NSL1: variants seen among roughly 807,000 people sequenced by gnomAD.
NSL1 encodes kinetochore-associated protein NSL1 homolog.
NSL1 carries 11 observed loss-of-function variants against 25.4 expected under a neutral mutation model. The observed-to-expected ratio is 0.43, with a 90% confidence interval of 0.27 to 0.72. NSL1 has a LOEUF of 0.72. NSL1 is among the 30% of genes least tolerant of loss of function. The pLI, the probability that NSL1 is intolerant of heterozygous loss-of-function variation, is 0.19. For missense variants in NSL1, 330 were observed against 342.7 expected, an observed-to-expected ratio of 0.96 and a Z score of 0.29; for synonymous variants, 118 against 120.6, an observed-to-expected ratio of 0.98 and a Z score of 0.14.
intron 4 of NSL1, among the ~76,000 whole-genome samples, chr1:212,753,981 G>C (rs186305592): frequency 1.3e-5 from 2 of 152,204 alleles, no homozygotes; most frequent in Non-Finnish European, 2.9e-5. Context: ...ATGTGTGACA[G>C]TGAGGCACTT....
chr1:212,741,736 G>T (rs7517894), intron 4 of NSL1, among the ~76,000 whole-genome samples: 3,021 of 152,264 alleles, frequency 0.02, 113 homozygotes, highest in African/African-American at 0.07. Flanking sequence ...CTTTACAGCA[G>T]TGTGAGAAGA....
rs1405894653 is a variant in NSL1, at chr1:212,728,706, G to A, written c.*9702C>T. ...CATTTGGTGAGATCTCTGGAGAATGGAACACCTTCACAGACAACATCAGGG... is the reference window on the plus strand; with the variant it reads ...CATTTGGTGAGATCTCTGGAGAATGAAACACCTTCACAGACAACATCAGGG... On this transcript the variant is annotated 3_prime_UTR_variant, in exon 6 of 6. Transcript: ENST00000366977. 4.1e-6 allele frequency: 4 copies of A among 985,310 alleles called. No individual in the cohort carries two copies. In the African/African-American group the frequency reaches 7.0e-5, roughly 17 times the overall value. The allele number at this position is 985,310 out of a possible 1,614,324, so 61.0% of individuals were successfully genotyped here.
At chr1:212,754,360 C>CTCCTGCAA (rs985810286) in intron 4 of NSL1, among the ~76,000 whole-genome samples, 2 of 152,100 alleles carry the variant, frequency 1.3e-5, no homozygotes, top group African/African-American at 4.8e-5. Context: ...AGGAATTGGC[C>CTCCTGCAA]TCCTGCAAGA....
intron 4 of NSL1, among the ~76,000 whole-genome samples, chr1:212,779,293 G>GC (rs1381906344): frequency 2.2e-5 from 3 of 138,368 alleles, no homozygotes; most frequent in Non-Finnish European, 4.8e-5. Flanking sequence ...GTGGGGGTCA[G>GC]CCCCCCGCCC....
Position 212,730,643 on chromosome 1 carries a change from G to A in NSL1, c.*7765C>T, listed in dbSNP as rs561212412. On this transcript the variant is annotated 3_prime_UTR_variant, in exon 6 of 6. Coordinates refer to ENST00000366977, the MANE Select transcript of NSL1 (RefSeq NM_015471.4). ...TGACCAAAGGAAAAGGTGATCAGAAGGCAACTATACCTGCTAGCACAGTGA... is the reference window on the plus strand; with the variant it reads ...TGACCAAAGGAAAAGGTGATCAGAAAGCAACTATACCTGCTAGCACAGTGA... The A allele has an allele frequency of 3.0e-6, 3 of 985,358 alleles. No individual in the cohort carries two copies. In the African/African-American group the frequency reaches 5.2e-5, roughly 17 times the overall value. 61.0% of individuals were successfully genotyped at this position (985,358 alleles called of 1,614,324 possible). A position where few individuals can be genotyped will look rare whatever the true frequency, so the allele number is the denominator to read the frequency against.
At chr1:212,759,178 AG>A (rs2102451638) in intron 4 of NSL1, among the ~76,000 whole-genome samples, 1 of 152,312 alleles carries the variant, frequency 6.6e-6, no homozygotes, top group African/African-American at 2.4e-5. Context: ...AAGCAACCAA[AG>A]GAAAAAAAAA....
At chr1:212,744,997 G>A (rs1277269224) in intron 4 of NSL1, among the ~76,000 whole-genome samples, 1 of 152,024 alleles carries the variant, frequency 6.6e-6, no homozygotes, top group Non-Finnish European at 1.5e-5. Flanking sequence ...TTAGCTGGGC[G>A]TGGTGGTGCA....
intron 4 of NSL1, among the ~76,000 whole-genome samples, chr1:212,765,085 A>T (rs1178113831): frequency 6.6e-6 from 1 of 152,058 alleles, no homozygotes; most frequent in Admixed American, 6.6e-5. Context: ...AGACTGAATC[A>T]GCAATTTTTT....
intron 4 of NSL1, among the ~76,000 whole-genome samples, chr1:212,781,277 G>A (rs938904104): frequency 2.6e-5 from 4 of 152,102 alleles, no homozygotes; most frequent in South Asian, 2.1e-4. Flanking sequence ...ACGATAAAAC[G>A]GTAACCAAGT....
Position 212,738,528 on chromosome 1 carries a change from T to C in NSL1, c.726A>G (p.Thr242=), listed in dbSNP as rs1222239262. 3 of 1,614,058 alleles carry C rather than the reference T, an allele frequency of 1.9e-6. No homozygotes were observed. Among genetic ancestry groups the C allele is most frequent in the Non-Finnish European group, 2.5e-6 (3 of 1,180,030 alleles). Residue 242 remains threonine (T), a synonymous_variant, in exon 6 of 6, where the codon ACA becomes ACG. Coordinates refer to ENST00000366977, the MANE Select transcript of NSL1 (RefSeq NM_015471.4). ...TTTTCCTGGAAGCAGTCTCTGTTGG[T>C]GTGGTTTCTATCTGTGTTATAAAGT... ...PENFITQIET[T]PTETASRKTS... is the part of the protein sequence containing the mutation.
intron 4 of NSL1, among the ~76,000 whole-genome samples, chr1:212,769,492 A>G (rs1270172575): frequency 1.3e-5 from 2 of 152,236 alleles, no homozygotes; most frequent in Non-Finnish European, 2.9e-5. Flanking sequence ...AAAACCTGTC[A>G]GCCAAGAATA....
intron 2 of NSL1, among the ~76,000 whole-genome samples, chr1:212,785,872 A>ATT (rs1287881001): frequency 6.6e-6 from 1 of 152,180 alleles, no homozygotes; most frequent in Non-Finnish European, 1.5e-5. Flanking sequence ...CTGAAACATA[A>ATT]TTTTTGAAAC....
rs1276575238 is a variant in NSL1 at position 212,733,178 on chromosome 1, C to G, written c.*5230G>C. On this transcript the variant is annotated 3_prime_UTR_variant, in exon 6 of 6. Coordinates refer to ENST00000366977, the MANE Select transcript of NSL1 (RefSeq NM_015471.4). Reference sequence around the variant, plus strand: ...CCCAGGCCAGGCGCAGTGGCTCACGCCTGTAATCCAGCACTTTGGGAGGCA... The same window carrying G: ...CCCAGGCCAGGCGCAGTGGCTCACGGCTGTAATCCAGCACTTTGGGAGGCA... 1.3e-5 allele frequency among the ~76,000 whole-genome samples: 2 copies of G among 152,202 alleles called. No individual in the cohort carries two copies. Among genetic ancestry groups the G allele is most frequent in the East Asian group, 3.8e-4 (2 of 5,196 alleles).
intron 4 of NSL1, among the ~76,000 whole-genome samples, chr1:212,771,108 G>A (rs567293844): frequency 1.8e-4 from 28 of 152,312 alleles, no homozygotes; most frequent in Admixed American, 5.9e-4. Flanking sequence ...GAGATTGGGA[G>A]TACGAGACCA....
At chr1:212,785,777 A>G (rs543270883) in intron 2 of NSL1, among the ~76,000 whole-genome samples, 1 of 152,298 alleles carries the variant, frequency 6.6e-6, no homozygotes, top group African/African-American at 2.4e-5. Flanking sequence ...TGGTCCTCAT[A>G]TTGCTCTGTT....
rs1404389584 is a variant in NSL1 at position 212,736,589 on chromosome 1, A to G, written c.*1819T>C. 1 of 985,224 alleles carries G rather than the reference A, an allele frequency of 1.0e-6. No homozygotes were observed. Among genetic ancestry groups the G allele is most frequent in the Non-Finnish European group, 1.2e-6 (1 of 829,864 alleles). 61.0% of individuals were successfully genotyped at this position (985,224 alleles called of 1,614,324 possible). A position where few individuals can be genotyped will look rare whatever the true frequency, so the allele number is the denominator to read the frequency against. Reference sequence around the variant, plus strand: ...AATGCTAATACGTACTGTCTTTCCCAGTGGTATTTCTATTTTAAACTCTGC... The same window carrying G: ...AATGCTAATACGTACTGTCTTTCCCGGTGGTATTTCTATTTTAAACTCTGC... On this transcript the variant is annotated 3_prime_UTR_variant, in exon 6 of 6. Transcript: ENST00000366977.
chr1:212,735,725 C>G lies in NSL1; in HGVS notation c.*2683G>C, dbSNP rs1571859747. ...ATTGGTGTCCTTATAAGAAGAGACA[C>G]CAGAGAGCTTGCACTCTGTCCCTCT... On this transcript the variant is annotated 3_prime_UTR_variant, in exon 6 of 6. Coordinates refer to ENST00000366977, the MANE Select transcript of NSL1 (RefSeq NM_015471.4). 6.6e-6 allele frequency among the ~76,000 whole-genome samples: 1 copy of G among 152,224 alleles called. No homozygotes were observed. Among genetic ancestry groups the G allele is most frequent in the East Asian group, 1.9e-4 (1 of 5,174 alleles).
intron 4 of NSL1, among the ~76,000 whole-genome samples, chr1:212,779,008 G>A (rs1370407281): frequency 6.6e-6 from 1 of 150,942 alleles, no homozygotes; most frequent in Non-Finnish European, 1.5e-5. Flanking sequence ...GTCTCTGCCC[G>A]GCCGCCCATC....
At chr1:212,779,382 G>T (rs1558061912) in intron 4 of NSL1, among the ~76,000 whole-genome samples, 1 of 138,762 alleles carries the variant, frequency 7.2e-6, no homozygotes, top group African/African-American at 2.7e-5. Context: ...GAGGGAGGTG[G>T]GGGGGTCAGC....
Sources: gnomAD v4.1 joint callset for allele counts (sites outside exome capture counted in the v4.1 genomes callset) on GRCh38, gnomAD v4.1.1 for gene constraint, MANE v1.5 for transcripts, NCBI Gene and HGNC (gene_info 2026-07-23, HGNC 2026-07-21) for gene names.